TRPM8: variants seen among roughly 807,000 people sequenced by gnomAD.
TRPM8 encodes the protein TRPM8 cationic channel.
TRPM8 carries 110 observed loss-of-function variants against 133.7 expected under a neutral mutation model. The observed-to-expected ratio is 0.82, with a 90% CI of 0.70 to 0.96. The LOEUF (loss-of-function observed/expected upper bound fraction) is 0.96. Among genes scored for constraint, TRPM8 ranks in the 40% least tolerant of loss-of-function variants. The pLI is 0.00. For synonymous variants in TRPM8, 535 were observed against 532.3 expected, an observed-to-expected ratio of 1.01 and a Z score of -0.07; for missense variants, 1,291 against 1,379.5, an observed-to-expected ratio of 0.94 and a Z score of 1.02.
chr2:233,970,155 T>C (rs1009715968), intron 16 of TRPM8, 55 bp from the exon 17 acceptor site: 20 of 1,463,316 alleles, frequency 1.4e-5, no homozygotes, highest in Non-Finnish European at 1.9e-5. Flanking sequence ...AGGGGAGGGC[T>C]GTGCCCGTCC....
Position 233,930,705 on chromosome 2 carries a change from G to C in TRPM8, c.155G>C (p.Arg52Pro). 6.2e-7 allele frequency: 1 copy of C among 1,609,044 alleles called. No individual in the cohort carries two copies. Residue 52 changes from arginine (R) to proline (P), a missense_variant, in exon 3 of 26, where the codon CGA becomes CCA. Coordinates refer to ENST00000324695, the MANE Select transcript of TRPM8 (RefSeq NM_024080.5). ...TTTATTCAAGCAAATTTTAAGAAACGAGAATGTGTCTTCTTTACCAAAGAT... is the reference window on the plus strand; with the variant it reads ...TTTATTCAAGCAAATTTTAAGAAACCAGAATGTGTCTTCTTTACCAAAGAT... ...VNFIQANFKK[R>P]ECVFFTKDSK...
At position 233,969,033 on chromosome 2, in the gene TRPM8, A is replaced by G. The variant is rs530256550; in HGVS notation, c.2026-662A>G. ...TACTGGCTGTGCCTGTGAATTTGTG[A>G]TCATTGAAGACAAAGGAGCCAGAAA... On this transcript the variant is annotated intron_variant, in intron 15 of 25. Transcript: ENST00000324695. Among the ~76,000 whole-genome samples the G allele has an allele frequency of 1.1e-4, 16 of 152,258 alleles. No individual in the cohort carries two copies. The South Asian group carries it at 1.2e-3, about 12-fold the overall frequency.
intron 22 of TRPM8, among the ~76,000 whole-genome samples, chr2:233,997,881 A>G (rs1574777633): frequency 6.6e-6 from 1 of 152,122 alleles, no homozygotes; most frequent in South Asian, 2.1e-4. Context: ...GCTGTCAGCC[A>G]CATGTCCTTT....
At chr2:234,005,879 G>A (rs987546987) in intron 22 of TRPM8, among the ~76,000 whole-genome samples, 24 of 151,064 alleles carry the variant, frequency 1.6e-4, no homozygotes, top group African/African-American at 5.4e-4. Context: ...AGTGAGCCGA[G>A]ATTGCACCAC....
In TRPM8 at chr2:233,950,146, G is replaced by A. The variant is rs762365771; in HGVS notation, c.1140G>A (p.Trp380Ter). Residue 380 changes from tryptophan to a stop codon, truncating the protein, a stop_gained and splice_region_variant, in exon 9 of 26, where the codon TGG becomes TGA. Coordinates refer to ENST00000324695, the MANE Select transcript of TRPM8 (RefSeq NM_024080.5). LOFTEE classifies it high-confidence loss of function. Reference protein sequence around the residue: ...PEEETESWIKWLKEILECSHL... With the variant: ...PEEETESWIK Reference sequence around the variant, plus strand: ...AGGAGACTGAGAGTTGGATCAAATGGGTAAGTTGTCGGGACCATGTCTGAG... The same window carrying A: ...AGGAGACTGAGAGTTGGATCAAATGAGTAAGTTGTCGGGACCATGTCTGAG... 6.8e-6 allele frequency: 11 copies of A among 1,611,756 alleles called. No homozygotes were observed. The highest frequency in any genetic ancestry group is 9.3e-6 in the Non-Finnish European group (11 of 1,179,684).
chr2:233,942,862 T>A (rs1690945127), intron 6 of TRPM8, 114 bp downstream of exon 6: 16 of 1,324,042 alleles, frequency 1.2e-5, no homozygotes, highest in Admixed American at 1.7e-5. Context: ...CATGGGGAAG[T>A]CTGCCTTTCA....
intron 3 of TRPM8, among the ~76,000 whole-genome samples, chr2:233,936,964 T>C (rs1690761251): frequency 7.1e-6 from 1 of 140,902 alleles, no homozygotes; most frequent in Non-Finnish European, 1.5e-5. Context: ...TGGCGCGATC[T>C]CAGCTCACTG....
At chr2:233,933,829 G>A (rs1172454381) in intron 3 of TRPM8, 1 of 167,198 alleles carries the variant, frequency 6.0e-6, no homozygotes, top group African/African-American at 2.4e-5. Flanking sequence ...GGAACATCAG[G>A]AAGTAGCCTG....
chr2:233,921,677 C>CTTTTTTTTTTCTTTTCT (rs1691413933), intron 1 of TRPM8, among the ~76,000 whole-genome samples: 1 of 106,660 alleles, frequency 9.4e-6, no homozygotes, highest in African/African-American at 3.8e-5. Flanking sequence ...CTTTTCTTTT[C>CTTTTTTTTTTCTTTTCT]TTTTTTTTTT....
chr2:233,939,070 A>T lies in TRPM8; in HGVS notation c.421A>T (p.Thr141Ser). 1 of 1,614,068 alleles carries T rather than the reference A, an allele frequency of 6.2e-7. No individual in the cohort carries two copies. The highest frequency in any genetic ancestry group is 8.5e-7 in the Non-Finnish European group (1 of 1,180,026). Residue 141 changes from threonine (T) to serine (S), a missense_variant, in exon 5 of 26, where the codon ACA (threonine) becomes TCA (serine). Around this residue, in one of 2 missense-constraint regions of TRPM8, gnomAD observed 963 missense variants for 968.9 expected, o/e 0.99. Coordinates refer to ENST00000324695, the MANE Select transcript of TRPM8 (RefSeq NM_024080.5). Reference sequence around the variant, plus strand: ...GCTGACCCAGCACTGGCACCTGAAAACACCCAACCTGGTCATTTCTGTGAC... The same window carrying T: ...GCTGACCCAGCACTGGCACCTGAAATCACCCAACCTGGTCATTTCTGTGAC... ...ELLTQHWHLK[T>S]PNLVISVTGG...
At chr2:233,927,710 CTTTCTTT>C (rs2125040594) in intron 2 of TRPM8, among the ~76,000 whole-genome samples, 1 of 13,548 alleles carries the variant, frequency 7.4e-5, no homozygotes, top group East Asian at 2.6e-3. Context: ...GAGTCTGTCT[CTTTCTTT>C]CTTTCTTTCT....
At chr2:233,978,223 G>GTGTGTGTGTGTGTGTGTT (rs1553664244) in intron 17 of TRPM8, among the ~76,000 whole-genome samples, 1 of 151,720 alleles carries the variant, frequency 6.6e-6, no homozygotes, top group Non-Finnish European at 1.5e-5. Flanking sequence ...GTGTGTGTGT[G>GTGTGTGTGTGTGTGTGTT]TGTGTGTGTG....
chr2:234,009,379 C>A (rs909321878), intron 24 of TRPM8, among the ~76,000 whole-genome samples: 16 of 152,192 alleles, frequency 1.1e-4, no homozygotes, highest in African/African-American at 3.9e-4. Context: ...AAAAGCTTCC[C>A]CAAGCCACAC....
rs1304404761 is a variant in TRPM8 at position 233,942,081 on chromosome 2, TTTTTTTTTTTC to T, written c.527-489_527-479del. ...AATAGGGTCAAGAATCTTTTTTTTT[TTTTTTTTTTTC>T]TTTTTGAGATGGAGTCTCACTCTGT... On this transcript the variant is annotated intron_variant, in intron 5 of 25. Transcript: ENST00000324695. 9.4e-4 allele frequency among the ~76,000 whole-genome samples: 134 copies of T among 143,112 alleles called. 7 individuals are homozygous for T. The highest frequency in any genetic ancestry group is 3.8e-3 in the African/African-American group (130 of 34,474). The allele number at this position is 143,112 out of a possible 152,430, so 93.9% of individuals were successfully genotyped here.
At chr2:234,016,610 T>C (rs1034545000) in intron 25 of TRPM8, among the ~76,000 whole-genome samples, 1 of 152,088 alleles carries the variant, frequency 6.6e-6, no homozygotes, top group African/African-American at 2.4e-5. Context: ...AATTCCCCCA[T>C]CTCCATCCTT....
chr2:233,938,029 A>C (rs1690803999), intron 4 of TRPM8, among the ~76,000 whole-genome samples: 1 of 151,360 alleles, frequency 6.6e-6, no homozygotes, highest in South Asian at 2.1e-4. Context: ...CATCTCCCAA[A>C]CCCCCATGGC....
intron 1 of TRPM8, among the ~76,000 whole-genome samples, chr2:233,921,102 C>T (rs1216133225): frequency 1.3e-5 from 2 of 152,070 alleles, no homozygotes; most frequent in African/African-American, 2.4e-5. Context: ...CTCAGGCGAT[C>T]CACCCGCCTT....
At chr2:233,987,110 G>C (rs934285193) in intron 21 of TRPM8, among the ~76,000 whole-genome samples, 2 of 152,112 alleles carry the variant, frequency 1.3e-5, no homozygotes, top group African/African-American at 4.8e-5. Context: ...CTATCCTAAA[G>C]GTGTATGTAC....
rs1326519482 is a variant in TRPM8 at position 233,983,064 on chromosome 2, GTTC to G, written c.2608_2610del (p.Phe870del). 1.1e-5 allele frequency: 17 copies of G among 1,613,446 alleles called. No homozygotes were observed. The highest frequency in any genetic ancestry group is 1.7e-5 in the Admixed American group (1 of 60,018). On this transcript the variant is annotated inframe_deletion, in exon 20 of 26. Coordinates refer to ENST00000324695, the MANE Select transcript of TRPM8 (RefSeq NM_024080.5). ...TCCTCCCCTGACAGCTGATCGATGT[GTTC>G]TTCTTCCTGTTCCTCTTTGCGGTGT...
Sources: gnomAD v4.1 joint callset for allele counts (sites outside exome capture counted in the v4.1 genomes callset) on GRCh38, gnomAD v4.1.1 for gene constraint, gnomAD v4.1.1 regional missense constraint, MANE v1.5 for transcripts, NCBI Gene and HGNC (gene_info 2026-07-23, HGNC 2026-07-21) for gene names.